Variants in GSTO2 observed in about 807,000 individuals in gnomAD.
The protein encoded by GSTO2 is glutathione S-transferase omega-2.
Under a neutral mutation model 28.4 loss-of-function variants are expected in GSTO2, and 23 were observed. That is an observed-to-expected ratio of 0.81 (90% CI 0.58 to 1.15). The LOEUF (loss-of-function observed/expected upper bound fraction) is 1.15. GSTO2 is among the 50% of genes most tolerant of loss of function. The pLI is 0.00. For missense variants in GSTO2, 298 were observed against 297.8 expected, an observed-to-expected ratio of 1.00 and a Z score of 0.00; for synonymous variants, 109 against 111.0, an observed-to-expected ratio of 0.98 and a Z score of 0.11.
In GSTO2 at chr10:104,269,278, G is replaced by C. The variant is rs1564840178; in HGVS notation, c.-232+9G>C. 6.6e-6 allele frequency: 1 copy of C among 152,276 alleles called. No homozygotes were observed. Among genetic ancestry groups the C allele is most frequent in the Non-Finnish European group, 1.5e-5 (1 of 68,094 alleles). 9.4% of individuals were successfully genotyped at this position (152,276 alleles called of 1,614,324 possible). On this transcript the variant is annotated intron_variant, in intron 1 of 6. Transcript: ENST00000338595. Reference sequence around the variant, plus strand: ...CTCTCTCACCGCCACCGGTGGGTCCGTTCGGCCTGCGTTGTATTGGAAGGG... The same window carrying C: ...CTCTCTCACCGCCACCGGTGGGTCCCTTCGGCCTGCGTTGTATTGGAAGGG...
intron 5 of GSTO2, among the ~76,000 whole-genome samples, chr10:104,281,142 G>T (rs979259101): frequency 1.3e-5 from 2 of 152,222 alleles, no homozygotes. Flanking sequence ...TTCTGCAGGG[G>T]ACTGCCCAGT....
chr10:104,270,435 C>T (rs141695258), intron 1 of GSTO2, among the ~76,000 whole-genome samples: 16 of 152,308 alleles, frequency 1.1e-4, no homozygotes, highest in South Asian at 6.2e-4. Flanking sequence ...TTCCTGATTT[C>T]AGGATCTTGA....
rs1174394053 is a variant in GSTO2, at chr10:104,275,222, G to T, written c.35-4G>T. On this transcript the variant is annotated splice_region_variant and splice_polypyrimidine_tract_variant and intron_variant, in intron 2 of 6. Transcript: ENST00000338595. ...CCCTGTCCCCCTCCATCGCTGCTCT[G>T]CAGGAAGCCAGCCCCCAGGGCCAGT... The T allele has an allele frequency of 6.2e-7, 1 of 1,612,008 alleles. No homozygotes were observed. Among genetic ancestry groups the T allele is most frequent in the South Asian group, 1.1e-5 (1 of 90,940 alleles).
At chr10:104,299,060 A>C in intron 6 of GSTO2, 68 bp from the exon 7 acceptor site, 1 of 1,412,786 alleles carries the variant, frequency 7.1e-7, no homozygotes, top group South Asian at 1.5e-5. Flanking sequence ...AAATCTAAAA[A>C]GCAACGTGCA....
intron 5 of GSTO2, among the ~76,000 whole-genome samples, chr10:104,293,563 A>ATTTTTTGTTTTTTTTTTTTTTT (rs2012877970): frequency 1.2e-5 from 1 of 81,652 alleles, no homozygotes; most frequent in African/African-American, 6.2e-5. Flanking sequence ...CGCCTGGCCA[A>ATTTTTTGTTTTTTTTTTTTTTT]TTTTTTTTTT....
rs1453409448 is a variant in GSTO2 at position 104,300,765 on chromosome 10, C to T, written c.*1481C>T. The stretch of plus-strand genomic sequence containing the variant: ...GCTGTGCTGAGACACCAGGCAGCAA[C>T]AGGAGCGATGTTTTGCCTTGTCTGT... On this transcript the variant is annotated 3_prime_UTR_variant, in exon 7 of 7. Transcript: ENST00000338595. 1.3e-5 allele frequency: 2 copies of T among 152,348 alleles called. No individual in the cohort carries two copies. Among genetic ancestry groups the T allele is most frequent in the African/African-American group, 2.4e-5 (1 of 41,464 alleles). The allele number at this position is 152,348 out of a possible 1,614,324, so 9.4% of individuals were successfully genotyped here. A position where few individuals can be genotyped will look rare whatever the true frequency, so the allele number is the denominator to read the frequency against.
intron 3 of GSTO2, 109 bp downstream of exon 3, chr10:104,275,443 C>G: frequency 1.1e-6 from 1 of 949,404 alleles, no homozygotes; most frequent in Non-Finnish European, 1.6e-6. Flanking sequence ...GGCTCCCTGT[C>G]CCTTTTTTCG....
chr10:104,298,019 C>G (rs1249915830), intron 6 of GSTO2, among the ~76,000 whole-genome samples: 1 of 152,226 alleles, frequency 6.6e-6, no homozygotes, highest in Admixed American at 6.5e-5. Context: ...ACGCCTCCAC[C>G]TGGTCCTGAC....
At chr10:104,271,569 A>G (rs2011409811) in intron 1 of GSTO2, among the ~76,000 whole-genome samples, 1 of 152,248 alleles carries the variant, frequency 6.6e-6, no homozygotes, top group South Asian at 2.1e-4. Context: ...CTGGGTCTCA[A>G]AAAGTCAGCC....
intron 6 of GSTO2, 38 bp from the exon 7 acceptor site, chr10:104,299,089 AC>A: frequency 6.6e-7 from 1 of 1,506,360 alleles, no homozygotes; most frequent in Non-Finnish European, 8.9e-7. Context: ...CCTGATGCCT[AC>A]CCCTGCACTG....
chr10:104,280,168 A>G (rs1346964942), intron 5 of GSTO2, among the ~76,000 whole-genome samples: 1 of 74,872 alleles, frequency 1.3e-5, no homozygotes, highest in Non-Finnish European at 2.6e-5. Context: ...GGACTGACAA[A>G]AAAAAAAAAA....
chr10:104,274,727 G>T lies in GSTO2; in HGVS notation c.-189G>T. ...CCAAATCTGGGGCGATGTCTCCCCA[G>T]GTTAAATTACCCTAGCTCCTGCTCC... On this transcript the variant is annotated 5_prime_UTR_variant, in exon 2 of 7. It adds an upstream start codon to the 5' untranslated region. Transcript: ENST00000338595. The T allele has an allele frequency of 1.5e-6, 1 of 668,938 alleles. No homozygotes were observed. Among genetic ancestry groups the T allele is most frequent in the Non-Finnish European group, 2.5e-6 (1 of 395,256 alleles). The allele number at this position is 668,938 out of a possible 1,614,324, so 41.4% of individuals were successfully genotyped here.
rs1436058129 is a variant in GSTO2 at position 104,274,919 on chromosome 10, T to C, written c.4T>C (p.Ser2Pro). The change falls in exon 2 of 7, where the codon TCT becomes CCT. Residue 2 changes from serine to proline, a missense_variant. Transcript: ENST00000338595. M[S>P]GDATRTLGKG... ...CTGCGCAAACCACCTGGAGACCATG[T>C]CTGGGGATGCGACCAGGACCCTGGG... The C allele has an allele frequency of 4.3e-6, 7 of 1,609,904 alleles. No individual in the cohort carries two copies. The highest frequency in any genetic ancestry group is 5.9e-6 in the Non-Finnish European group (7 of 1,178,518).
intron 5 of GSTO2, among the ~76,000 whole-genome samples, chr10:104,294,799 A>G (rs1490416826): frequency 6.6e-6 from 1 of 152,230 alleles, no homozygotes; most frequent in Non-Finnish European, 1.5e-5. Flanking sequence ...ATAAATTGAT[A>G]GTGTCCATCA....
rs1169222062 is a variant in GSTO2, at chr10:104,300,889, C to T, written c.*1605C>T. On this transcript the variant is annotated 3_prime_UTR_variant, in exon 7 of 7. Transcript: ENST00000338595. ...AGTCTGGCCCTGCCATCTGCTGGCT[C>T]TGGGTATATTTTGACCCATGTAAAT... The T allele has an allele frequency of 6.6e-6, 1 of 152,456 alleles. No homozygotes were observed. The highest frequency in any genetic ancestry group is 2.4e-5 in the African/African-American group (1 of 41,434). 9.4% of individuals were successfully genotyped at this position (152,456 alleles called of 1,614,324 possible). A position where few individuals can be genotyped will look rare whatever the true frequency, so the allele number is the denominator to read the frequency against.
At chr10:104,278,745 T>G (rs2011808914) in intron 4 of GSTO2, among the ~76,000 whole-genome samples, 2 of 152,172 alleles carry the variant, frequency 1.3e-5, no homozygotes, top group African/African-American at 4.8e-5. Flanking sequence ...CCTCCCAAAG[T>G]GCTAGGATTA....
chr10:104,296,522 G>A (rs147836412), intron 5 of GSTO2: 3,577 of 151,422 alleles, frequency 0.024, 70 homozygotes, highest in South Asian at 0.054. Flanking sequence ...GGCTGAGGTG[G>A]AAGGATTGCT....
intron 3 of GSTO2, 49 bp downstream of exon 3, chr10:104,275,383 G>A (rs762358128): frequency 6.4e-7 from 1 of 1,572,326 alleles, no homozygotes; most frequent in Non-Finnish European, 8.7e-7. Context: ...CGCCTCACAG[G>A]AGCCCGGGAA....
rs897516502 is a variant in GSTO2 at position 104,304,321 on chromosome 10, T to A, written c.*5037T>A. On this transcript the variant is annotated 3_prime_UTR_variant, in exon 7 of 7. Transcript: ENST00000338595. Reference sequence around the variant, plus strand: ...TTGAGCCTTTGAAAATGCCATTTCCTCTACATACTATTCTTCCTCAGAGCA... The same window carrying A: ...TTGAGCCTTTGAAAATGCCATTTCCACTACATACTATTCTTCCTCAGAGCA... The A allele has an allele frequency of 6.6e-6, 1 of 152,244 alleles. No homozygotes were observed. The highest frequency in any genetic ancestry group is 2.4e-5 in the African/African-American group (1 of 41,468). The allele number at this position is 152,244 out of a possible 1,614,324, so 9.4% of individuals were successfully genotyped here.
Sources: gnomAD v4.1 joint callset for allele counts (sites outside exome capture counted in the v4.1 genomes callset) on GRCh38, gnomAD v4.1.1 for gene constraint, MANE v1.5 for transcripts, NCBI Gene and HGNC (gene_info 2026-07-23, HGNC 2026-07-21) for gene names.